The following TTC7B variants were observed in gnomAD, a reference collection of about 807,000 sequenced individuals.
The protein encoded by TTC7B is tetratricopeptide repeat protein 7B.
In TTC7B, 28 loss-of-function variants were observed where a neutral mutation model predicts 106.8. The observed-to-expected ratio is 0.26, with a 90% CI of 0.19 to 0.36. The LOEUF (loss-of-function observed/expected upper bound fraction) is 0.36, where lower values mean the gene tolerates loss of function less well. Among genes scored for constraint, TTC7B ranks in the 10% least tolerant of loss-of-function variants. The probability of loss-of-function intolerance (pLI) is 1.00; values close to 1 mark genes in which losing one functional copy is unlikely to be tolerated. For missense variants in TTC7B, 862 were observed against 1,076.4 expected, an observed-to-expected ratio of 0.80 and a Z score of 2.79; for synonymous variants, 405 against 430.6, an observed-to-expected ratio of 0.94 and a Z score of 0.74.
At chr14:90,662,495 C>A (rs1289198314) in intron 9 of TTC7B, among the ~76,000 whole-genome samples, 3 of 152,212 alleles carry the variant, frequency 2.0e-5, no homozygotes, top group African/African-American at 7.2e-5. Context: ...CTGTAACAAC[C>A]CTTACCTTCC....
chr14:90,792,221 T>C lies in TTC7B; in HGVS notation c.122-5893A>G, dbSNP rs1411293075. 2.0e-5 allele frequency among the ~76,000 whole-genome samples: 3 copies of C among 152,144 alleles called. 1 individual carries two copies. Among genetic ancestry groups the C allele is most frequent in the Admixed American group, 1.3e-4 (2 of 15,264 alleles). ...GGGCCTTTGTGTTTCTCTGATCTCC[T>C]GATGCTGGGGGAATGCGCCAGAGTC... On this transcript the variant is annotated intron_variant, in intron 1 of 19. Coordinates refer to ENST00000328459, the MANE Select transcript of TTC7B (RefSeq NM_001010854.2).
chr14:90,649,175 T>TGGAATATG (rs1885605112), intron 13 of TTC7B, among the ~76,000 whole-genome samples: 1 of 152,268 alleles, frequency 6.6e-6, no homozygotes, highest in South Asian at 2.1e-4. Context: ...CCAACTTGGC[T>TGGAATATG]AATGATGCAT....
chr14:90,803,946 G>A (rs549763590), intron 1 of TTC7B, among the ~76,000 whole-genome samples: 48 of 152,188 alleles, frequency 3.2e-4, no homozygotes, highest in South Asian at 2.7e-3. Context: ...CTACCAGGCA[G>A]GGGGATGTTA....
chr14:90,766,009 A>G (rs1022343539), intron 3 of TTC7B, among the ~76,000 whole-genome samples: 2 of 152,128 alleles, frequency 1.3e-5, no homozygotes, highest in African/African-American at 2.4e-5. Context: ...AAAGGCAACT[A>G]CATACATGGG....
At chr14:90,586,074 G>A (rs1268109884) in intron 18 of TTC7B, among the ~76,000 whole-genome samples, 1 of 152,198 alleles carries the variant, frequency 6.6e-6, no homozygotes, top group Non-Finnish European at 1.5e-5. Flanking sequence ...AGTGGGAGTG[G>A]GAATAGCTTG....
intron 3 of TTC7B, among the ~76,000 whole-genome samples, chr14:90,746,071 G>A (rs1889958292): frequency 6.6e-6 from 1 of 152,044 alleles, no homozygotes; most frequent in Admixed American, 6.6e-5. Context: ...TCCATATCTG[G>A]TTTTGATATT....
chr14:90,779,231 G>T (rs891373132), intron 3 of TTC7B, among the ~76,000 whole-genome samples: 1 of 152,260 alleles, frequency 6.6e-6, no homozygotes, highest in Admixed American at 6.5e-5. Context: ...CTGGCCTGAA[G>T]TGACCTCTCC....
In TTC7B at chr14:90,805,985, G is replaced by A. The variant is rs2030582027; in HGVS notation, c.121+10190C>T. Reference sequence around the variant, plus strand: ...CTGACATGCAAAGATTTGATCAGATGAGAAAGAAAAAACTTAAGAGTTTCT... The same window carrying A: ...CTGACATGCAAAGATTTGATCAGATAAGAAAGAAAAAACTTAAGAGTTTCT... On this transcript the variant is annotated intron_variant, in intron 1 of 19. Coordinates refer to ENST00000328459, the MANE Select transcript of TTC7B (RefSeq NM_001010854.2). The surrounding 1 kb of genome is among the most constrained non-coding windows in gnomAD (Gnocchi z 4.0). Among the ~76,000 whole-genome samples, 1 of 152,176 alleles carries A rather than the reference G, an allele frequency of 6.6e-6. No individual in the cohort carries two copies. Among genetic ancestry groups the A allele is most frequent in the South Asian group, 2.1e-4 (1 of 4,828 alleles).
intron 15 of TTC7B, among the ~76,000 whole-genome samples, chr14:90,631,200 A>G (rs1884688587): frequency 6.6e-6 from 1 of 152,200 alleles, no homozygotes; most frequent in South Asian, 2.1e-4. Context: ...TTGTTTAACC[A>G]TTCATTCATT....
In TTC7B at chr14:90,605,605, G is replaced by C. The variant is rs750614742; in HGVS notation, c.1966+5137C>G. On this transcript the variant is annotated intron_variant, in intron 17 of 19. Coordinates refer to ENST00000328459, the MANE Select transcript of TTC7B (RefSeq NM_001010854.2). Reference sequence around the variant, plus strand: ...GGAAAAACCATGTTTACAGAGAGAGGGTTCCCGGCGGGGACCTGCGTCACT... The same window carrying C: ...GGAAAAACCATGTTTACAGAGAGAGCGTTCCCGGCGGGGACCTGCGTCACT... 7 of 1,283,072 alleles carry C rather than the reference G, an allele frequency of 5.5e-6. No homozygotes were observed. In the South Asian group the frequency reaches 6.3e-5, roughly 11 times the overall value. The allele number at this position is 1,283,072 out of a possible 1,614,324, so 79.5% of individuals were successfully genotyped here.
chr14:90,631,382 T>C (rs1474969358), intron 15 of TTC7B, among the ~76,000 whole-genome samples: 1 of 151,800 alleles, frequency 6.6e-6, no homozygotes, highest in Non-Finnish European at 1.5e-5. Flanking sequence ...GGAACCACCA[T>C]ACTGTTTTCC....
intron 18 of TTC7B, among the ~76,000 whole-genome samples, chr14:90,591,442 C>T (rs750962001): frequency 9.8e-5 from 15 of 152,336 alleles, no homozygotes; most frequent in South Asian, 6.2e-4. Flanking sequence ...CCAACAGTCA[C>T]GGCAGGCCAC....
At chr14:90,621,342 C>T (rs1037769234) in intron 15 of TTC7B, among the ~76,000 whole-genome samples, 12 of 129,614 alleles carry the variant, frequency 9.3e-5, no homozygotes, top group African/African-American at 3.8e-4. Flanking sequence ...AGAGGCCACG[C>T]GGGTACGGCC....
chr14:90,597,355 G>A (rs1438635880), intron 17 of TTC7B, among the ~76,000 whole-genome samples: 1 of 152,144 alleles, frequency 6.6e-6, no homozygotes, highest in Non-Finnish European at 1.5e-5. Context: ...GGATACAGCT[G>A]GTTAAAAAAC....
intron 1 of TTC7B, among the ~76,000 whole-genome samples, chr14:90,813,656 C>T (rs1236903582): frequency 2.0e-5 from 3 of 151,104 alleles, no homozygotes; most frequent in African/African-American, 7.3e-5. Context: ...ATCTGGCTGG[C>T]TCCAAACACT....
intron 18 of TTC7B, among the ~76,000 whole-genome samples, chr14:90,587,364 G>C (rs551080964): frequency 2.6e-5 from 4 of 152,206 alleles, no homozygotes; most frequent in Non-Finnish European, 5.9e-5. Context: ...ACTTGAGCCT[G>C]GGCCCTTCTC....
chr14:90,568,394 G>A (rs1291312610), intron 19 of TTC7B, among the ~76,000 whole-genome samples: 1 of 152,220 alleles, frequency 6.6e-6, no homozygotes, highest in Non-Finnish European at 1.5e-5. Context: ...GCTAGAGTAT[G>A]TCAGATTTTA....
chr14:90,650,853 G>C (rs1885686654), intron 13 of TTC7B, among the ~76,000 whole-genome samples: 1 of 152,196 alleles, frequency 6.6e-6, no homozygotes, highest in Non-Finnish European at 1.5e-5. Context: ...TATGAGTGTA[G>C]GAACAGGTGA....
At chr14:90,743,352 G>A (rs1889840614) in intron 4 of TTC7B, among the ~76,000 whole-genome samples, 1 of 152,042 alleles carries the variant, frequency 6.6e-6, no homozygotes, top group African/African-American at 2.4e-5. Flanking sequence ...ACCAACACAT[G>A]ACAATATGAT....
Sources: allele counts gnomAD v4.1 joint callset (sites outside exome capture counted in the v4.1 genomes callset), GRCh38; gene constraint gnomAD v4.1.1; non-coding constraint Gnocchi (gnomAD v3.1); transcripts MANE v1.5; gene names NCBI Gene and HGNC (gene_info 2026-07-23, HGNC 2026-07-21).